The following KITLG variants were observed in gnomAD, a reference collection of about 807,000 sequenced individuals.
The protein encoded by KITLG is c-Kit ligand.
A neutral mutation model predicts 34.1 loss-of-function variants in KITLG; 13 were observed. That is an observed-to-expected ratio of 0.38 (90% CI 0.25 to 0.61). The LOEUF (loss-of-function observed/expected upper bound fraction) is 0.61, where lower values mean the gene tolerates loss of function less well. Among genes scored for constraint, KITLG ranks in the 20% least tolerant of loss-of-function variants. The pLI is 0.60. For synonymous variants in KITLG, 110 were observed against 104.0 expected (o/e 1.06, Z -0.35); for missense variants, 292 against 318.9 (o/e 0.92, Z 0.64).
intron 9 of KITLG, among the ~76,000 whole-genome samples, chr12:88,502,865 C>G (rs1444212147): frequency 6.7e-6 from 1 of 149,346 alleles, no homozygotes; most frequent in Non-Finnish European, 1.5e-5. Context: ...GTGAATGCCA[C>G]TTGAGAGAAC....
intron 3 of KITLG, among the ~76,000 whole-genome samples, chr12:88,530,315 C>T (rs1383043728): frequency 2.0e-5 from 3 of 152,132 alleles, no homozygotes; most frequent in Non-Finnish European, 4.4e-5. Context: ...GACTCTGTCA[C>T]GTTCTAATTG....
chr12:88,559,781 C>G (rs951823314), intron 1 of KITLG, among the ~76,000 whole-genome samples: 1 of 152,030 alleles, frequency 6.6e-6, no homozygotes, highest in Non-Finnish European at 1.5e-5. Context: ...ACAATTCTAC[C>G]AGCTGAAACA....
intron 1 of KITLG, among the ~76,000 whole-genome samples, chr12:88,578,046 C>A (rs559106297): frequency 6.6e-6 from 1 of 152,240 alleles, no homozygotes; most frequent in Admixed American, 6.5e-5. Flanking sequence ...AGAATCAGAA[C>A]AATCGATCCT....
intron 9 of KITLG, among the ~76,000 whole-genome samples, chr12:88,501,381 T>C (rs1868849123): frequency 6.6e-6 from 1 of 152,212 alleles, no homozygotes; most frequent in South Asian, 2.1e-4. Flanking sequence ...ATCCAAATTA[T>C]ATCTATTTTT....
At chr12:88,537,510 C>G (rs918068854) in intron 2 of KITLG, among the ~76,000 whole-genome samples, 2 of 151,912 alleles carry the variant, frequency 1.3e-5, no homozygotes, top group African/African-American at 4.8e-5. Context: ...AAAAAAACTA[C>G]CTATTGGGTA....
chr12:88,567,685 C>G (rs1419888191), intron 1 of KITLG, among the ~76,000 whole-genome samples: 1 of 152,146 alleles, frequency 6.6e-6, no homozygotes, highest in African/African-American at 2.4e-5. Context: ...AACGAACAAC[C>G]TTTGAATGCA....
chr12:88,501,210 G>A (rs1489264506), intron 9 of KITLG, among the ~76,000 whole-genome samples: 1 of 152,080 alleles, frequency 6.6e-6, no homozygotes, highest in Non-Finnish European at 1.5e-5. Context: ...ATTTCCTTAA[G>A]AGAACTAGCC....
At chr12:88,534,594 T>C (rs569351366) in intron 2 of KITLG, 1 of 435,388 alleles carries the variant, frequency 2.3e-6, no homozygotes, top group Admixed American at 3.2e-5. Flanking sequence ...CTCAAACTCC[T>C]GGCCTCAAGT....
In KITLG at chr12:88,518,706, G is replaced by A; in HGVS notation, c.354C>T (p.Asn118=). 1 of 1,612,388 alleles carries A rather than the reference G, an allele frequency of 6.2e-7. No individual in the cohort carries two copies. The highest frequency in any genetic ancestry group is 1.1e-5 in the South Asian group (1 of 91,040). The change falls in exon 4 of 10, where the codon AAC becomes AAT. Residue 118 remains asparagine (N), a synonymous_variant. Transcript: ENST00000644744. ...ATGAACACAAAGTTACCTTAGATGAGTTTTCTTTCACGCACTCCACAAGGT... is the reference window on the plus strand; with the variant it reads ...ATGAACACAAAGTTACCTTAGATGAATTTTCTTTCACGCACTCCACAAGGT... The part of the protein sequence containing the change: ...VDDLVECVKE[N]SSKDLKKSFK...
chr12:88,520,627 C>A (rs531247768), intron 3 of KITLG, among the ~76,000 whole-genome samples: 6 of 152,070 alleles, frequency 3.9e-5, no homozygotes, highest in Admixed American at 1.3e-4. Flanking sequence ...TTAAGACATT[C>A]CTTTAGTTTC....
In KITLG at chr12:88,515,544, A is replaced by G. The variant is rs1298559181; in HGVS notation, c.594T>C (p.Ser198=). ...VAASSLRNDS[S]SSNRKAKNPP... ...GATATATGTACTTACTATTACTGCT[A>G]CTGCTGTCATTCCTAAGGGAGCTGG... The change falls in exon 6 of 10, where the codon AGT becomes AGC. Residue 198 remains serine, a synonymous_variant. Transcript: ENST00000644744. The G allele has an allele frequency of 6.2e-7, 1 of 1,606,006 alleles. No homozygotes were observed. Among genetic ancestry groups the G allele is most frequent in the Non-Finnish European group, 8.5e-7 (1 of 1,173,124 alleles).
chr12:88,545,819 G>C lies in KITLG; in HGVS notation c.62C>G (p.Pro21Arg). 3 of 1,612,750 alleles carry C rather than the reference G, an allele frequency of 1.9e-6. No individual in the cohort carries two copies. The highest frequency in any genetic ancestry group is 2.5e-6 in the Non-Finnish European group (3 of 1,178,918). Reference protein sequence around the residue: ...CIYLQLLLFNPLVKTEGICRN... With the variant: ...CIYLQLLLFNRLVKTEGICRN... ...GCAGATCCCTTCAGTTTTGACGAGA[G>C]GATTAAATAGGAGCAGCTGAAGATA... is the stretch of plus-strand genomic sequence containing the variant. Residue 21 changes from proline to arginine, a missense_variant, in exon 2 of 10, where the codon CCT becomes CGT. Physicochemically the swap from Pro to Arg is moderately radical, Grantham distance 103. Around this residue, in one of 2 missense-constraint regions of KITLG, gnomAD observed 152 missense variants for 207.9 expected, o/e 0.73. Coordinates refer to ENST00000644744, the MANE Select transcript of KITLG (RefSeq NM_000899.5).
In KITLG at chr12:88,516,324, C is replaced by G. The variant is rs1442201065; in HGVS notation, c.520+10G>C. On this transcript the variant is annotated intron_variant, in intron 5 of 9. Coordinates refer to ENST00000644744, the MANE Select transcript of KITLG (RefSeq NM_000899.5). The stretch of plus-strand genomic sequence containing the variant: ...TTTACATTTGAACTGGAAATGCTTA[C>G]ATGTCTTACCTTTCTCAGGACTTAA... The G allele has an allele frequency of 1.2e-6, 2 of 1,607,764 alleles. No homozygotes were observed. Among genetic ancestry groups the G allele is most frequent in the African/African-American group, 2.7e-5 (2 of 74,696 alleles).
intron 2 of KITLG, among the ~76,000 whole-genome samples, chr12:88,543,851 A>G (rs1870609482): frequency 6.6e-6 from 1 of 152,174 alleles, no homozygotes; most frequent in African/African-American, 2.4e-5. Context: ...TCTTGTCTCT[A>G]AAAACTTTAT....
chr12:88,564,384 G>T (rs1411041190), intron 1 of KITLG: 1 of 76,810 alleles, frequency 1.3e-5, no homozygotes, highest in Non-Finnish European at 4.1e-5. Context: ...AATGTAAACA[G>T]GGAAACTGGA....
intron 3 of KITLG, 28 bp from the exon 4 acceptor site, chr12:88,518,895 C>T (rs770924902): frequency 4.4e-6 from 7 of 1,604,296 alleles, no homozygotes; most frequent in South Asian, 3.3e-5. Flanking sequence ...AGAGACAAAA[C>T]AGCTATTTTA....
At chr12:88,529,319 C>A (rs1479332022) in intron 3 of KITLG, among the ~76,000 whole-genome samples, 1 of 151,980 alleles carries the variant, frequency 6.6e-6, no homozygotes, top group Admixed American at 6.6e-5. Context: ...TGTAAAAGAC[C>A]AGAAATATCC....
chr12:88,565,848 A>G (rs1395833240), intron 1 of KITLG, among the ~76,000 whole-genome samples: 1 of 152,216 alleles, frequency 6.6e-6, no homozygotes, highest in Non-Finnish European at 1.5e-5. Flanking sequence ...ATCAGGAGAC[A>G]TAAAGTATGT....
chr12:88,535,876 T>G (rs1737645075), intron 2 of KITLG, among the ~76,000 whole-genome samples: 1 of 152,100 alleles, frequency 6.6e-6, no homozygotes, highest in Non-Finnish European at 1.5e-5. Context: ...AGACCCCTAC[T>G]ATTCAACACA....
Sources: allele counts gnomAD v4.1 joint callset (sites outside exome capture counted in the v4.1 genomes callset), GRCh38; gene constraint gnomAD v4.1.1; regional missense constraint gnomAD v4.1.1; transcripts MANE v1.5; gene names NCBI Gene and HGNC (gene_info 2026-07-23, HGNC 2026-07-21).